WDPCP: variants seen among roughly 807,000 people sequenced by gnomAD.
WDPCP encodes the protein WD repeat-containing and planar cell polarity effector protein fritz homolog.
A neutral mutation model predicts 93.1 loss-of-function variants in WDPCP; 71 were observed. That is an observed-to-expected ratio of 0.76 (90% confidence interval 0.63 to 0.93). WDPCP has a LOEUF of 0.93. WDPCP is among the 40% of genes least tolerant of loss of function. WDPCP has a pLI of 0.00. For missense variants in WDPCP, 844 were observed against 887.4 expected (o/e 0.95, Z 0.62); for synonymous variants, 315 against 315.0 (o/e 1.00, Z 0.00).
chr2:63,810,983 C>A (rs1191749041), intron 2 of WDPCP, among the ~76,000 whole-genome samples: 1 of 152,192 alleles, frequency 6.6e-6, no homozygotes, highest in Non-Finnish European at 1.5e-5. Context: ...GTGAGAAAAA[C>A]CAGCAAAATT....
chr2:63,192,156 T>C (rs959097998), intron 14 of WDPCP, among the ~76,000 whole-genome samples: 1 of 152,304 alleles, frequency 6.6e-6, no homozygotes, highest in East Asian at 1.9e-4. Flanking sequence ...AATTACCTTA[T>C]CAAATTCCAT....
At chr2:63,632,884 C>T (rs983766074) in intron 3 of WDPCP, among the ~76,000 whole-genome samples, 15 of 152,078 alleles carry the variant, frequency 9.9e-5, no homozygotes, top group African/African-American at 2.9e-4. Flanking sequence ...CTCATAGATC[C>T]CCATACAGAT....
At chr2:63,476,271 C>T (rs995565756) in intron 6 of WDPCP, among the ~76,000 whole-genome samples, 2 of 152,058 alleles carry the variant, frequency 1.3e-5, no homozygotes, top group East Asian at 1.9e-4. Context: ...TCAAAGTCCC[C>T]GACGAGGAAG....
At chr2:63,315,706 G>A (rs1188661838) in intron 12 of WDPCP, among the ~76,000 whole-genome samples, 1 of 151,830 alleles carries the variant, frequency 6.6e-6, no homozygotes, top group Non-Finnish European at 1.5e-5. Flanking sequence ...CTATTTTAAA[G>A]AATAAAACAG....
intron 13 of WDPCP, among the ~76,000 whole-genome samples, chr2:63,287,647 C>T (rs1360282509): frequency 1.3e-5 from 2 of 152,158 alleles, no homozygotes; most frequent in East Asian, 3.8e-4. Context: ...AATTTCTTGT[C>T]TTGAATTCCA....
intron 2 of WDPCP, among the ~76,000 whole-genome samples, chr2:63,702,704 ATT>A (rs543105188): frequency 1.4e-4 from 19 of 139,444 alleles, no homozygotes; most frequent in South Asian, 2.3e-4. Context: ...CATCCAGCTA[ATT>A]TTTTTTTTTT....
In WDPCP at chr2:63,824,864, CTT is replaced by C. The variant is rs1333979415; in HGVS notation, n.222+2756_222+2757del. 2.6e-5 allele frequency among the ~76,000 whole-genome samples: 4 copies of C among 152,034 alleles called. No homozygotes were observed. The East Asian group carries it at 7.7e-4, about 29-fold the overall frequency. On this transcript the variant is annotated intron_variant and non_coding_transcript_variant, in intron 1 of 4. Transcript: ENST00000467687. ...ATGAATAATCTTTGGTTAGGTAAAA[CTT>C]TTAGTCTTAGACACAATGGTGAACT... is the stretch of plus-strand genomic sequence containing the variant.
intron 6 of WDPCP, among the ~76,000 whole-genome samples, chr2:63,477,487 T>G (rs1363753071): frequency 1.3e-5 from 2 of 152,082 alleles, no homozygotes; most frequent in Non-Finnish European, 2.9e-5. Flanking sequence ...AAGTCTTGAT[T>G]TGAAAACCAT....
chr2:63,174,186 A>G (rs954720762), intron 15 of WDPCP, among the ~76,000 whole-genome samples: 1 of 152,124 alleles, frequency 6.6e-6, no homozygotes, highest in African/African-American at 2.4e-5. Context: ...TAACATTATT[A>G]CTTTTGTTTG....
intron 12 of WDPCP, among the ~76,000 whole-genome samples, chr2:63,357,092 G>A (rs777185387): frequency 6.6e-6 from 1 of 151,998 alleles, no homozygotes; most frequent in African/African-American, 2.4e-5. Flanking sequence ...TGAAGCTGGA[G>A]GTCTTCTTTA....
chr2:63,529,010 CTGTT>C (rs746860707), intron 1 of WDPCP, among the ~76,000 whole-genome samples: 1 of 152,294 alleles, frequency 6.6e-6, no homozygotes, highest in South Asian at 2.1e-4. Flanking sequence ...ATTTGGCTCT[CTGTT>C]TGTCTATTAT....
At chr2:63,801,391 G>T (rs1663942948) in intron 2 of WDPCP, among the ~76,000 whole-genome samples, 1 of 152,162 alleles carries the variant, frequency 6.6e-6, no homozygotes, top group Non-Finnish European at 1.5e-5. Context: ...TTCACTGTGA[G>T]TGTTACAGCT....
chr2:63,122,900 TA>T (rs1669643878), intron 17 of WDPCP, among the ~76,000 whole-genome samples: 1 of 152,144 alleles, frequency 6.6e-6, no homozygotes, highest in Non-Finnish European at 1.5e-5. Flanking sequence ...TCTTAAAAGT[TA>T]TTTTTACTAA....
chr2:63,331,144 T>C (rs139907270), intron 12 of WDPCP, among the ~76,000 whole-genome samples: 31 of 152,258 alleles, frequency 2.0e-4, no homozygotes, highest in African/African-American at 6.3e-4. Flanking sequence ...GCATAAGCCA[T>C]CATGCCTAAT....
chr2:63,205,851 C>T (rs1676297346), intron 14 of WDPCP, among the ~76,000 whole-genome samples: 1 of 152,192 alleles, frequency 6.6e-6, no homozygotes, highest in African/African-American at 2.4e-5. Context: ...GCTAAGACCT[C>T]CAGTACTATG....
intron 3 of WDPCP, chr2:63,643,956 G>A: frequency 2.0e-6 from 1 of 490,304 alleles, no homozygotes; most frequent in Non-Finnish European, 4.1e-6. Context: ...CCAGTGGATG[G>A]ATGAGGAGTA....
intron 12 of WDPCP, among the ~76,000 whole-genome samples, chr2:63,370,737 T>C (rs1392221767): frequency 6.6e-6 from 1 of 152,162 alleles, no homozygotes; most frequent in Non-Finnish European, 1.5e-5. Flanking sequence ...GTTTTGGTTT[T>C]TATTTACCTA....
At chr2:63,734,753 AC>A (rs1669614150) in intron 2 of WDPCP, among the ~76,000 whole-genome samples, 1 of 152,206 alleles carries the variant, frequency 6.6e-6, no homozygotes, top group South Asian at 2.1e-4. Context: ...TACTTGCTAA[AC>A]CTGCAGTTTA....
intron 14 of WDPCP, among the ~76,000 whole-genome samples, chr2:63,242,987 G>A (rs1208288751): frequency 1.3e-5 from 2 of 152,110 alleles, no homozygotes; most frequent in African/African-American, 2.4e-5. Flanking sequence ...TACCAGTCCT[G>A]GAACACGTCC....
Sources: gnomAD v4.1 joint callset for allele counts (sites outside exome capture counted in the v4.1 genomes callset) on GRCh38, gnomAD v4.1.1 for gene constraint, MANE v1.5 for transcripts, NCBI Gene and HGNC (gene_info 2026-07-23, HGNC 2026-07-21) for gene names.